Variants in FSCN2 observed in about 807,000 individuals in gnomAD.
FSCN2 encodes fascin actin-bundling protein 2, retinal.
A neutral mutation model predicts 37.8 loss-of-function variants in FSCN2; 46 were observed. That is an observed-to-expected ratio of 1.22 (90% CI 0.96 to 1.56). The LOEUF (loss-of-function observed/expected upper bound fraction) is 1.56, where lower values mean the gene tolerates loss of function less well. Ranked by LOEUF, FSCN2 falls within the 40% of genes most tolerant of loss-of-function variation. FSCN2 has a pLI of 0.00. For missense variants in FSCN2, 844 were observed against 730.4 expected, an observed-to-expected ratio of 1.16 and a Z score of -1.79; for synonymous variants, 351 against 309.4, an observed-to-expected ratio of 1.13 and a Z score of -1.41.
chr17:81,524,930 A>T (rs62076023), upstream of FSCN2, among the ~76,000 whole-genome samples: 8,167 of 114,422 alleles, frequency 0.071, 595 homozygotes, highest in African/African-American at 0.2. Flanking sequence ...CCACACTCAC[A>T]CACATGCACA....
chr17:81,531,378 ATGGTGG>A (rs1568077283), intron 1 of FSCN2, among the ~76,000 whole-genome samples: 4 of 53,960 alleles, frequency 7.4e-5, no homozygotes, highest in Non-Finnish European at 1.6e-4. Context: ...GGTGGTGGTG[ATGGTGG>A]TGATGGTGAT....
the FSCN2 span, among the ~76,000 whole-genome samples, chr17:81,518,180 C>T: frequency 2.1e-4 from 32 of 152,286 alleles, no homozygotes; most frequent in African/African-American, 7.5e-4. Flanking sequence ...TCTGGCTGTT[C>T]CTTTGCCCCC....
rs950363788 is a variant in FSCN2, at chr17:81,528,413, C to T, written c.-119C>T. ...AGAGCAGGCAGGGGGTTCGTGACGCCGGCTGGGTCTGGGGGCTGTGGGCCA... is the reference window on the plus strand; with the variant it reads ...AGAGCAGGCAGGGGGTTCGTGACGCTGGCTGGGTCTGGGGGCTGTGGGCCA... On this transcript the variant is annotated 5_prime_UTR_variant, in exon 1 of 5. Coordinates refer to ENST00000417245, the MANE Select transcript of FSCN2 (RefSeq NM_012418.4). The T allele has an allele frequency of 6.8e-6, 5 of 731,934 alleles. No individual in the cohort carries two copies. The highest frequency in any genetic ancestry group is 2.6e-5 in the Admixed American group (1 of 38,264). The allele number at this position is 731,934 out of a possible 1,614,324, so 45.3% of individuals were successfully genotyped here.
At chr17:81,515,609 G>A in the FSCN2 span, among the ~76,000 whole-genome samples, 1 of 152,196 alleles carries the variant, frequency 6.6e-6, no homozygotes, top group African/African-American at 2.4e-5. Context: ...CAGGGCCTGC[G>A]CCCTCCACGG....
chr17:81,536,523 C>T, intron 3 of FSCN2, 99 bp from the exon 4 acceptor site: 1 of 1,557,544 alleles, frequency 6.4e-7, no homozygotes, highest in Non-Finnish European at 8.6e-7. Flanking sequence ...GGCCTGGGTC[C>T]CTAAGTCCAG....
chr17:81,518,753 A>G, the FSCN2 span, among the ~76,000 whole-genome samples: 2,114 of 152,244 alleles, frequency 0.014, 54 homozygotes, highest in African/African-American at 0.048. Context: ...AGCTCGCCCA[A>G]GCAGCTCTGC....
intron 1 of FSCN2, among the ~76,000 whole-genome samples, chr17:81,534,729 C>G (rs910707875): frequency 6.6e-6 from 1 of 151,788 alleles, no homozygotes; most frequent in African/African-American, 2.4e-5. Flanking sequence ...AGCCCTGGGT[C>G]AAGAGAGCAG....
chr17:81,518,404 C>T, the FSCN2 span, among the ~76,000 whole-genome samples: 2 of 151,618 alleles, frequency 1.3e-5, no homozygotes, highest in Non-Finnish European at 2.9e-5. Flanking sequence ...TGGCATAGCA[C>T]CTGCCCAGCA....
At chr17:81,522,317 CCT>C in the FSCN2 span, among the ~76,000 whole-genome samples, 1 of 152,202 alleles carries the variant, frequency 6.6e-6, no homozygotes, top group African/African-American at 2.4e-5. Context: ...ATTCCCAAGG[CCT>C]CTCTTGTTCT....
chr17:81,528,785 G>C lies in FSCN2; in HGVS notation c.254G>C (p.Gly85Ala). ...GRVACEAEQP[G>A]RDCRFLVLPQ... ...GTGGCCTGTGAGGCAGAGCAGCCGGGCCGTGACTGCCGCTTCCTGGTCCTG... is the reference window on the plus strand; with the variant it reads ...GTGGCCTGTGAGGCAGAGCAGCCGGCCCGTGACTGCCGCTTCCTGGTCCTG... Residue 85 changes from glycine (G) to alanine (A), a missense_variant, in exon 1 of 5, where the codon GGC (glycine) becomes GCC (alanine). Coordinates refer to ENST00000417245, the MANE Select transcript of FSCN2 (RefSeq NM_012418.4). 1.3e-6 allele frequency: 2 copies of C among 1,566,278 alleles called. No homozygotes were observed. Among genetic ancestry groups the C allele is most frequent in the Non-Finnish European group, 1.7e-6 (2 of 1,157,722 alleles).
chr17:81,515,286 T>C, the FSCN2 span, among the ~76,000 whole-genome samples: 2 of 151,948 alleles, frequency 1.3e-5, no homozygotes, highest in African/African-American at 2.4e-5. Flanking sequence ...GCCACCCTTC[T>C]GGAACCAGTG....
Position 81,528,810 on chromosome 17 carries a change from G to A in FSCN2, c.279G>A (p.Leu93=). ...GCCGTGACTGCCGCTTCCTGGTCCTGCCGCAGCCAGATGGGCGCTGGGTGC... is the reference window on the plus strand; with the variant it reads ...GCCGTGACTGCCGCTTCCTGGTCCTACCGCAGCCAGATGGGCGCTGGGTGC... ...QPGRDCRFLV[L]PQPDGRWVLR... is the part of the protein sequence containing the mutation. The change falls in exon 1 of 5, where the codon CTG becomes CTA. Residue 93 remains leucine (L), a synonymous_variant. Coordinates refer to ENST00000417245, the MANE Select transcript of FSCN2 (RefSeq NM_012418.4). 4 of 1,561,074 alleles carry A rather than the reference G, an allele frequency of 2.6e-6. No individual in the cohort carries two copies. The highest frequency in any genetic ancestry group is 2.3e-5 in the South Asian group (2 of 85,158).
At chr17:81,524,267 T>C (rs111321708), upstream of FSCN2, among the ~76,000 whole-genome samples, 3,200 of 152,200 alleles carry the variant, frequency 0.021, 53 homozygotes, top group Non-Finnish European at 0.033. Context: ...TTCTGATGGC[T>C]GAGGCATTCC....
the FSCN2 span, among the ~76,000 whole-genome samples, chr17:81,518,319 C>T: frequency 2.8e-5 from 4 of 144,378 alleles, no homozygotes; most frequent in Admixed American, 6.9e-5. Context: ...TGGGGCACAG[C>T]ATCCTTGTCC....
At chr17:81,529,969 C>T (rs2032494894) in intron 1 of FSCN2, among the ~76,000 whole-genome samples, 1 of 152,210 alleles carries the variant, frequency 6.6e-6, no homozygotes, top group Non-Finnish European at 1.5e-5. Flanking sequence ...GCCACCACGC[C>T]CGGCTAATTT....
At chr17:81,532,365 GTGATGGTGATGATAGTGATGGCGA>G (rs2032703376) in intron 1 of FSCN2, among the ~76,000 whole-genome samples, 3 of 138,210 alleles carry the variant, frequency 2.2e-5, no homozygotes, top group East Asian at 2.3e-4. Flanking sequence ...GGTGGTGATG[GTGATGGTGATGATAGTGATGGCGA>G]TGATGGTGAT....
chr17:81,528,454 G>C lies in FSCN2; in HGVS notation c.-78G>C. 8.8e-7 allele frequency: 1 copy of C among 1,133,484 alleles called. No individual in the cohort carries two copies. Among genetic ancestry groups the C allele is most frequent in the Non-Finnish European group, 1.3e-6 (1 of 792,110 alleles). The allele number at this position is 1,133,484 out of a possible 1,614,324, so 70.2% of individuals were successfully genotyped here. Reference sequence around the variant, plus strand: ...CTGTGGGCCAGCCGAGCCGACCCGGGCTTCTGGGGGACCGCGGGGGCCGTG... The same window carrying C: ...CTGTGGGCCAGCCGAGCCGACCCGGCCTTCTGGGGGACCGCGGGGGCCGTG... On this transcript the variant is annotated 5_prime_UTR_variant, in exon 1 of 5. Transcript: ENST00000417245.
rs1173163223 is a variant in FSCN2, at chr17:81,531,612, ATGATGG to A, written c.826+2264_826+2269del. 2.7e-4 allele frequency among the ~76,000 whole-genome samples: 30 copies of A among 111,382 alleles called. No individual in the cohort carries two copies. The South Asian group carries it at 8.6e-3, about 32-fold the overall frequency. The allele number at this position is 111,382 out of a possible 152,430, so 73.1% of individuals were successfully genotyped here. A position where few individuals can be genotyped will look rare whatever the true frequency, so the allele number is the denominator to read the frequency against. ...GATGGTGATAGTGATGATAATGGTGATGATGGTGATGGTGGTGGTGATGGTGGTGGT... is the reference window on the plus strand; with the variant it reads ...GATGGTGATAGTGATGATAATGGTGATGATGGTGGTGGTGATGGTGGTGGT... On this transcript the variant is annotated intron_variant, in intron 1 of 4. Coordinates refer to ENST00000417245, the MANE Select transcript of FSCN2 (RefSeq NM_012418.4).
chr17:81,517,131 G>GAGAGTCCCTCAACCCC, the FSCN2 span, among the ~76,000 whole-genome samples: 26 of 151,992 alleles, frequency 1.7e-4, no homozygotes, highest in Non-Finnish European at 3.7e-4. Flanking sequence ...CACTCAGGCC[G>GAGAGTCCCTCAACCCC]AGAGTCCCTC....
Sources: gnomAD v4.1 joint callset for allele counts (sites outside exome capture counted in the v4.1 genomes callset) on GRCh38, gnomAD v4.1.1 for gene constraint, MANE v1.5 for transcripts, NCBI Gene and HGNC (gene_info 2026-07-23, HGNC 2026-07-21) for gene names.